Variants in BBS9 observed in about 807,000 individuals in gnomAD.
BBS9 encodes Bardet-Biedl syndrome 9, also known as protein PTHB1.
In BBS9, 89 loss-of-function variants were observed where a neutral mutation model predicts 117.7. The ratio of observed to expected loss-of-function variants is 0.76; its 90% confidence interval spans 0.64 to 0.90. The LOEUF (loss-of-function observed/expected upper bound fraction) is 0.90. BBS9 is among the 40% of genes least tolerant of loss of function. The pLI is 0.00. For synonymous variants in BBS9, 379 were observed against 370.9 expected, an observed-to-expected ratio of 1.02 and a Z score of -0.25; for missense variants, 982 against 1,042.2, an observed-to-expected ratio of 0.94 and a Z score of 0.80.
At chr7:33,482,306 G>C (rs1401007276) in intron 19 of BBS9, among the ~76,000 whole-genome samples, 2 of 152,176 alleles carry the variant, frequency 1.3e-5, no homozygotes, top group African/African-American at 4.8e-5. Context: ...ATGTTGCCTT[G>C]GATGGGGGAA....
chr7:33,578,828 A>G (rs142504903), intron 21 of BBS9, among the ~76,000 whole-genome samples: 41 of 152,276 alleles, frequency 2.7e-4, no homozygotes, highest in African/African-American at 9.1e-4. Context: ...CTCTAGGACA[A>G]AGGACAATGG....
At chr7:33,584,533 T>C (rs1860559900) in intron 21 of BBS9, among the ~76,000 whole-genome samples, 2 of 152,122 alleles carry the variant, frequency 1.3e-5, no homozygotes, top group South Asian at 4.1e-4. Flanking sequence ...CATTACACTA[T>C]GGAATCTCTA....
At chr7:33,427,678 C>T (rs1179372998) in intron 19 of BBS9, among the ~76,000 whole-genome samples, 1 of 152,118 alleles carries the variant, frequency 6.6e-6, no homozygotes, top group Admixed American at 6.6e-5. Context: ...TGGCAGTTTA[C>T]ACGGGTTTTC....
chr7:33,241,123 T>C (rs1159789538), intron 5 of BBS9, among the ~76,000 whole-genome samples: 1 of 152,178 alleles, frequency 6.6e-6, no homozygotes, highest in East Asian at 1.9e-4. Context: ...GATCTCGAAG[T>C]TGACCTAGCG....
chr7:33,465,702 A>G (rs1840065109), intron 19 of BBS9, among the ~76,000 whole-genome samples: 1 of 152,108 alleles, frequency 6.6e-6, no homozygotes, highest in Admixed American at 6.6e-5. Context: ...CAATAGCCTC[A>G]TTTTGTAAGG....
intron 19 of BBS9, among the ~76,000 whole-genome samples, chr7:33,441,160 A>G (rs1214422107): frequency 1.3e-5 from 2 of 152,314 alleles, no homozygotes; most frequent in East Asian, 3.9e-4. Flanking sequence ...AGAATATCTA[A>G]TTGTGAGAGA....
At chr7:33,472,513 C>T (rs1419906) in intron 19 of BBS9, among the ~76,000 whole-genome samples, 118,379 of 152,140 alleles carry the variant, frequency 0.78, 46,888 homozygotes, top group African/African-American at 0.93. Context: ...CGGGTGACTG[C>T]TCAGATCTAA....
chr7:33,359,529 T>A (rs1820244235), intron 16 of BBS9, among the ~76,000 whole-genome samples: 1 of 152,094 alleles, frequency 6.6e-6, no homozygotes, highest in South Asian at 2.1e-4. Context: ...GACAAATTTT[T>A]AAAAATTTCT....
chr7:33,167,484 C>T (rs1030053904), intron 4 of BBS9, among the ~76,000 whole-genome samples: 1 of 150,292 alleles, frequency 6.7e-6, no homozygotes, highest in Non-Finnish European at 1.5e-5. Context: ...CTCATTGCAA[C>T]CTCTGCCTCC....
intron 9 of BBS9, among the ~76,000 whole-genome samples, chr7:33,306,954 A>G (rs986474893): frequency 4.0e-4 from 60 of 151,192 alleles, no homozygotes; most frequent in African/African-American, 1.4e-3. Flanking sequence ...TGAATGAAAT[A>G]AGGATATTTG....
intron 19 of BBS9, chr7:33,390,204 C>T (rs535007281): frequency 1.0e-6 from 1 of 979,480 alleles, no homozygotes; most frequent in African/African-American, 1.7e-5. Context: ...GTATGGTCAA[C>T]CTTGTATTTA....
At chr7:33,576,126 G>A (rs190178660) in intron 21 of BBS9, among the ~76,000 whole-genome samples, 1 of 152,310 alleles carries the variant, frequency 6.6e-6, no homozygotes, top group East Asian at 1.9e-4. Flanking sequence ...GTCCCTGTTT[G>A]CAGGTGACAT....
intron 9 of BBS9, among the ~76,000 whole-genome samples, chr7:33,332,001 A>G (rs1033728158): frequency 4.6e-5 from 7 of 152,170 alleles, no homozygotes; most frequent in African/African-American, 1.7e-4. Flanking sequence ...CCAAAGCAAT[A>G]CTAAGCAAAA....
At chr7:33,394,039 A>G (rs1827526165) in intron 19 of BBS9, among the ~76,000 whole-genome samples, 2 of 152,192 alleles carry the variant, frequency 1.3e-5, no homozygotes, top group African/African-American at 4.8e-5. Flanking sequence ...TCCACTAGGA[A>G]CATACAACAA....
chr7:33,166,080 CT>C (rs1161831235), intron 4 of BBS9, among the ~76,000 whole-genome samples: 13 of 152,208 alleles, frequency 8.5e-5, no homozygotes, highest in Non-Finnish European at 4.4e-5. Context: ...AGTTTTCCTT[CT>C]AACAGTCAGG....
At chr7:33,617,812 A>G (rs1737483097) in intron 21 of BBS9, among the ~76,000 whole-genome samples, 2 of 152,210 alleles carry the variant, frequency 1.3e-5, no homozygotes, top group Admixed American at 1.3e-4. Context: ...AGAATCAGAG[A>G]GCCCAAAGAC....
chr7:33,327,660 C>T (rs1234455892), intron 9 of BBS9, among the ~76,000 whole-genome samples: 1 of 152,198 alleles, frequency 6.6e-6, no homozygotes, highest in Non-Finnish European at 1.5e-5. Context: ...TACCACTGCA[C>T]TCCAGCCTGA....
intron 19 of BBS9, among the ~76,000 whole-genome samples, chr7:33,407,976 A>C (rs1240756664): frequency 6.6e-6 from 1 of 152,238 alleles, no homozygotes; most frequent in African/African-American, 2.4e-5. Flanking sequence ...GCTGTCAGAC[A>C]GGGACATTTA....
At chr7:33,351,146 A>G in intron 13 of BBS9, 73 bp from the exon 14 acceptor site, 6 of 997,418 alleles carry the variant, frequency 6.0e-6, no homozygotes, top group African/African-American at 1.6e-5. Flanking sequence ...GTGAGTGCTT[A>G]TTAAATTTTA....
Sources: gnomAD v4.1 joint callset for allele counts (sites outside exome capture counted in the v4.1 genomes callset) on GRCh38, gnomAD v4.1.1 for gene constraint, MANE v1.5 for transcripts, NCBI Gene and HGNC (gene_info 2026-07-23, HGNC 2026-07-21) for gene names.